The following ARHGEF18 variants were observed in gnomAD, a reference collection of about 807,000 sequenced individuals.
ARHGEF18 encodes rho guanine nucleotide exchange factor 18.
ARHGEF18 carries 93 observed loss-of-function variants against 155.7 expected under a neutral mutation model. The ratio of observed to expected loss-of-function variants is 0.60; its 90% CI spans 0.50 to 0.71. ARHGEF18 has a LOEUF of 0.71. Among genes scored for constraint, ARHGEF18 ranks in the 30% least tolerant of loss-of-function variants. The pLI, the probability that ARHGEF18 is intolerant of heterozygous loss-of-function variation, is 0.00. For missense variants in ARHGEF18, 1,593 were observed against 1,816.1 expected (o/e 0.88, Z 2.23); for synonymous variants, 742 against 753.1 (o/e 0.99, Z 0.24).
chr19:7,423,800 T>A (rs1416833444), intron 10 of ARHGEF18, among the ~76,000 whole-genome samples: 1 of 150,982 alleles, frequency 6.6e-6, no homozygotes, highest in Admixed American at 6.6e-5. Flanking sequence ...ATGTCATGTA[T>A]CAAGATACCC....
At chr19:7,349,393 C>A (rs1969103869) in intron 1 of ARHGEF18, among the ~76,000 whole-genome samples, 152 bp downstream of exon 1, 1 of 152,058 alleles carries the variant, frequency 6.6e-6, no homozygotes, top group Admixed American at 6.6e-5. Flanking sequence ...GTGGGGGAAG[C>A]TGTTTGACCC....
chr19:7,351,630 ACTT>A (rs201559686), intron 1 of ARHGEF18, among the ~76,000 whole-genome samples: 2,020 of 147,692 alleles, frequency 0.014, 51 homozygotes, highest in African/African-American at 0.047. Context: ...GCTAGAGTGG[ACTT>A]CTTAAGGATC....
chr19:7,373,121 G>T, intron 3 of ARHGEF18, 50 bp downstream of exon 3: 1 of 1,233,918 alleles, frequency 8.1e-7, no homozygotes, highest in Non-Finnish European at 1.0e-6. Flanking sequence ...CTGGGACAGG[G>T]AAGAGGTCCA....
chr19:7,435,898 G>A (rs1974225649), intron 10 of ARHGEF18, among the ~76,000 whole-genome samples: 1 of 150,750 alleles, frequency 6.6e-6, no homozygotes, highest in East Asian at 2.0e-4. Flanking sequence ...CAGTGGGGCA[G>A]TCATAGCTCA....
At chr19:7,466,804 C>CAAAAAAAAAAAAAAAAAAAAA (rs965666634) in intron 23 of ARHGEF18, 114 bp from the exon 24 acceptor site, 1 of 412,598 alleles carries the variant, frequency 2.4e-6, no homozygotes, top group African/African-American at 4.8e-5. Context: ...AATTCCGTCT[C>CAAAAAAAAAAAAAAAAAAAAA]AAAAAAAAAA....
Position 7,440,269 on chromosome 19 carries a change from G to C in ARHGEF18, c.968-75G>C, listed in dbSNP as rs368896153. 7.0e-6 allele frequency: 11 copies of C among 1,560,372 alleles called. No individual in the cohort carries two copies. The East Asian group carries it at 1.9e-4, about 27-fold the overall frequency. On this transcript the variant is annotated intron_variant, in intron 10 of 28. Transcript: ENST00000668164. The surrounding 1 kb of genome is among the most constrained non-coding windows in gnomAD (Gnocchi z 5.4). ...TCTGTGCTGCGGCCGCAGTCGGAGCGGGGCTTCCGCGCCGGGGACCTCCGC... is the reference window on the plus strand; with the variant it reads ...TCTGTGCTGCGGCCGCAGTCGGAGCCGGGCTTCCGCGCCGGGGACCTCCGC...
chr19:7,385,210 C>G (rs930893476), intron 10 of ARHGEF18, among the ~76,000 whole-genome samples: 2 of 152,160 alleles, frequency 1.3e-5, no homozygotes, highest in African/African-American at 4.8e-5. Flanking sequence ...ACAGAGCAGG[C>G]GCTGGGAGCC....
At chr19:7,479,937 C>T in the ARHGEF18 span, among the ~76,000 whole-genome samples, 3 of 152,072 alleles carry the variant, frequency 2.0e-5, no homozygotes, top group African/African-American at 7.3e-5. Flanking sequence ...ACGTTATGCT[C>T]AATTTTGCCA....
At chr19:7,424,340 G>T (rs1215546798) in intron 10 of ARHGEF18, among the ~76,000 whole-genome samples, 1 of 152,044 alleles carries the variant, frequency 6.6e-6, no homozygotes, top group African/African-American at 2.4e-5. Context: ...TTTCTTTCTT[G>T]AGCTAGATTT....
At chr19:7,368,279 C>T (rs1970034120) in intron 2 of ARHGEF18, among the ~76,000 whole-genome samples, 2 of 152,084 alleles carry the variant, frequency 1.3e-5, no homozygotes, top group Non-Finnish European at 2.9e-5. Flanking sequence ...TGTTTCACCT[C>T]TGGATTTGAT....
At chr19:7,363,890 G>A (rs1568266908) in intron 2 of ARHGEF18, among the ~76,000 whole-genome samples, 2 of 140,152 alleles carry the variant, frequency 1.4e-5, no homozygotes, top group Non-Finnish European at 3.1e-5. Context: ...GAAGGGGGAT[G>A]GATGGATGGG....
chr19:7,448,618 A>G lies in ARHGEF18; in HGVS notation c.1737+1450A>G, dbSNP rs1429553595. Among the ~76,000 whole-genome samples, 6 of 151,656 alleles carry G rather than the reference A, an allele frequency of 4.0e-5. 1 individual carries two copies. Among genetic ancestry groups the G allele is most frequent in the Admixed American group, 3.3e-4 (5 of 15,208 alleles). On this transcript the variant is annotated intron_variant, in intron 15 of 28. Transcript: ENST00000668164. ...GGAGCGTGCAGTGAGCTGAGATCGC[A>G]CCACTGCACTCCAGCCTGGGCAACA...
intron 10 of ARHGEF18, among the ~76,000 whole-genome samples, chr19:7,387,151 GTTGT>G (rs200443447): frequency 9.2e-5 from 14 of 151,848 alleles, no homozygotes; most frequent in African/African-American, 2.9e-4. Flanking sequence ...TGTTGTTGTT[GTTGT>G]TTGTTTGTTT....
In ARHGEF18 at chr19:7,453,360, G is replaced by C. The variant is rs115997880; in HGVS notation, c.1856-107G>C. On this transcript the variant is annotated intron_variant, in intron 16 of 28. Coordinates refer to ENST00000668164, the MANE Select transcript of ARHGEF18 (RefSeq NM_001367823.1). ...CATAGATCCCACACGCCCATACATA[G>C]TGTGTCCACACACCTCATAGATCCA... The C allele has an allele frequency of 5.1e-4, 705 of 1,369,112 alleles. 5 individuals are homozygous for C. In the African/African-American group the frequency reaches 9.8e-3, roughly 19 times the overall value. The allele number at this position is 1,369,112 out of a possible 1,614,324, so 84.8% of individuals were successfully genotyped here.
chr19:7,402,634 C>T (rs1480488600), intron 10 of ARHGEF18, among the ~76,000 whole-genome samples: 3 of 152,022 alleles, frequency 2.0e-5, no homozygotes, highest in Admixed American at 6.6e-5. Flanking sequence ...TGGTTTGAGA[C>T]TGAGTGGCAG....
rs753955584 is a variant in ARHGEF18, at chr19:7,442,030, G to A, written c.1338G>A (p.Val446=). 29 of 1,613,992 alleles carry A rather than the reference G, an allele frequency of 1.8e-5. No individual in the cohort carries two copies. Among genetic ancestry groups the A allele is most frequent in the Non-Finnish European group, 2.3e-5 (27 of 1,180,036 alleles). ...AYAKKQKREV[V]KRQDVLYELM... is the part of the protein sequence containing the mutation. ...CCAAGAAGCAAAAGAGGGAGGTGGTGAAAAGACAAGATGTCCTTTATGGTG... is the reference window on the plus strand; with the variant it reads ...CCAAGAAGCAAAAGAGGGAGGTGGTAAAAAGACAAGATGTCCTTTATGGTG... The change falls in exon 13 of 29, where the codon GTG becomes GTA. Residue 446 remains valine, a synonymous_variant. Coordinates refer to ENST00000668164, the MANE Select transcript of ARHGEF18 (RefSeq NM_001367823.1).
At chr19:7,459,786 C>A in intron 19 of ARHGEF18, 117 bp from the exon 20 acceptor site, 3 of 833,186 alleles carry the variant, frequency 3.6e-6, no homozygotes, top group Non-Finnish European at 3.8e-6. Flanking sequence ...CACGAACAAG[C>A]TAAATCACTC....
chr19:7,408,446 G>A lies in ARHGEF18; in HGVS notation c.967+25243G>A, dbSNP rs188910223. ...AAAACAGGTGGCCAGCCCACAGACA[G>A]TAGGGGTTCACCAGCCCCTACAGTA... On this transcript the variant is annotated intron_variant, in intron 10 of 28. Transcript: ENST00000668164. 3.6e-3 allele frequency among the ~76,000 whole-genome samples: 543 copies of A among 152,338 alleles called. 2 individuals are homozygous for A. The highest frequency in any genetic ancestry group is 0.012 in the African/African-American group (508 of 41,578).
intron 15 of ARHGEF18, among the ~76,000 whole-genome samples, chr19:7,449,949 A>T (rs975610996): frequency 1.3e-5 from 2 of 152,152 alleles, no homozygotes; most frequent in Admixed American, 6.6e-5. Context: ...AAGTGCTGAG[A>T]TTACAGGCAT....
Sources: gnomAD v4.1 joint callset for allele counts (sites outside exome capture counted in the v4.1 genomes callset) on GRCh38, gnomAD v4.1.1 for gene constraint, Gnocchi (gnomAD v3.1) non-coding constraint, MANE v1.5 for transcripts, NCBI Gene and HGNC (gene_info 2026-07-23, HGNC 2026-07-21) for gene names.